Variants in DENND3 observed in about 807,000 individuals in gnomAD.
DENND3 encodes DENN domain-containing protein 3.
A neutral mutation model predicts 135.1 loss-of-function variants in DENND3; 88 were observed. That is an observed-to-expected ratio of 0.65 (90% CI 0.55 to 0.78). DENND3 has a LOEUF of 0.78. Ranked by LOEUF, DENND3 falls within the 30% of genes least tolerant of loss-of-function variation. The pLI is 0.00. For missense variants in DENND3, 1,392 were observed against 1,688.4 expected (o/e 0.82, Z 3.08); for synonymous variants, 693 against 712.3 (o/e 0.97, Z 0.43).
intron 14 of DENND3, chr8:141,176,275 A>C (rs930906628): frequency 9.2e-5 from 19 of 205,762 alleles, no homozygotes; most frequent in African/African-American, 5.4e-4. Context: ...GTAAAAAAAA[A>C]CAAAAACAAA....
chr8:141,174,566 G>A lies in DENND3; in HGVS notation c.2276-634G>A, dbSNP rs773242704. 5.3e-5 allele frequency among the ~76,000 whole-genome samples: 8 copies of A among 152,196 alleles called. No homozygotes were observed. The highest frequency in any genetic ancestry group is 1.7e-4 in the African/African-American group (7 of 41,442). ...GAGTCTCTGTGAAAGGTCGTGAAGC[G>A]GGCTTCAGGCTCAGGCTCCTCTGAC... On this transcript the variant is annotated intron_variant, in intron 13 of 22. Transcript: ENST00000519811. The surrounding 1 kb of genome is among the most constrained non-coding windows in gnomAD (Gnocchi z 4.6).
intron 20 of DENND3, chr8:141,190,703 C>T: frequency 2.8e-6 from 1 of 354,132 alleles, no homozygotes; most frequent in South Asian, 4.8e-5. Context: ...TTTTGCTGTG[C>T]CCTGCTCTGG....
chr8:141,193,828 A>C (rs1002567613), intron 22 of DENND3: 1 of 608,822 alleles, frequency 1.6e-6, no homozygotes, highest in African/African-American at 1.8e-5. Context: ...CTTCTTCCCC[A>C]GAGGCCCCTC....
At chr8:141,190,159 T>G (rs1824525636) in intron 19 of DENND3, 125 bp from the exon 20 acceptor site, 1 of 1,277,290 alleles carries the variant, frequency 7.8e-7, no homozygotes, top group Admixed American at 2.9e-5. Flanking sequence ...TATTATCATG[T>G]TTGCAGGTTA....
chr8:141,135,292 C>T (rs1816666027), intron 1 of DENND3, among the ~76,000 whole-genome samples: 1 of 152,104 alleles, frequency 6.6e-6, no homozygotes, highest in Admixed American at 6.5e-5. Context: ...GCTGGGACCA[C>T]AGGCATGTGC....
At chr8:141,189,996 G>A (rs1308776671) in intron 19 of DENND3, among the ~76,000 whole-genome samples, 2 of 152,186 alleles carry the variant, frequency 1.3e-5, no homozygotes, top group South Asian at 2.1e-4. Flanking sequence ...TGCGGCCCGC[G>A]GTGGTGGGAG....
intron 5 of DENND3, 96 bp from the exon 6 acceptor site, chr8:141,150,738 C>G: frequency 1.4e-6 from 2 of 1,428,706 alleles, no homozygotes; most frequent in Non-Finnish European, 1.9e-6. Flanking sequence ...TGTTTTCTAA[C>G]TCTGATGCCC....
In DENND3 at chr8:141,189,035, A is replaced by G. The variant is rs1589719753; in HGVS notation, c.3134A>G (p.Asp1045Gly). 1 of 1,614,088 alleles carries G rather than the reference A, an allele frequency of 6.2e-7. No homozygotes were observed. The highest frequency in any genetic ancestry group is 8.5e-7 in the Non-Finnish European group (1 of 1,179,990). ...DQNQVWVGSEDSVIYIINVHS... is the reference protein window; with the variant it reads ...DQNQVWVGSEGSVIYIINVHS... ...AACCAGGTGTGGGTTGGCTCGGAAG[A>G]CTCCGTCATCTACATCATCAACGTC... The change falls in exon 19 of 23, where the codon GAC (aspartate) becomes GGC (glycine). Residue 1045 changes from aspartate (D) to glycine (G), a missense_variant. By Grantham distance (94) the Asp-to-Gly change is moderately conservative. Coordinates refer to ENST00000519811, the MANE Select transcript of DENND3 (RefSeq NM_001352890.3).
chr8:141,194,906 C>T lies in DENND3; in HGVS notation c.*673C>T, dbSNP rs1418836378. ...ATAGATGCAACATTTTTATAATAAT[C>T]CTAGAGACCTTTTTTCTACCAAAGA... is the stretch of plus-strand genomic sequence containing the variant. On this transcript the variant is annotated 3_prime_UTR_variant, in exon 23 of 23. Coordinates refer to ENST00000519811, the MANE Select transcript of DENND3 (RefSeq NM_001352890.3). 6.6e-6 allele frequency: 1 copy of T among 152,200 alleles called. No individual in the cohort carries two copies. The highest frequency in any genetic ancestry group is 1.5e-5 in the Non-Finnish European group (1 of 68,032). The allele number at this position is 152,200 out of a possible 1,614,324, so 9.4% of individuals were successfully genotyped here.
At chr8:141,176,550 C>T (rs1589678432) in intron 14 of DENND3, 41 bp from the exon 15 acceptor site, 1 of 1,612,940 alleles carries the variant, frequency 6.2e-7, no homozygotes, top group East Asian at 2.2e-5. Context: ...CACGTGTTCT[C>T]TGAGTGTGAC....
At chr8:141,157,823 G>A (rs1819631460) in intron 8 of DENND3, 1 of 968,520 alleles carries the variant, frequency 1.0e-6, no homozygotes. Flanking sequence ...GCAGTGGCGT[G>A]ATCTTGGCTC....
intron 4 of DENND3, chr8:141,143,926 C>T: frequency 2.1e-6 from 1 of 472,424 alleles, no homozygotes; most frequent in Non-Finnish European, 3.7e-6. Context: ...CAGGACTTCC[C>T]CTTCCAAAAT....
intron 22 of DENND3, chr8:141,192,905 A>C: frequency 1.4e-6 from 2 of 1,471,250 alleles, no homozygotes; most frequent in Non-Finnish European, 9.1e-7. Flanking sequence ...ATGGCTTCAA[A>C]TGACAGAACT....
Position 141,193,224 on chromosome 8 carries a change from G to A in DENND3, c.3636+561G>A, listed in dbSNP as rs191520258. The A allele has an allele frequency of 8.7e-4, 150 of 172,130 alleles. 1 individual carries two copies. The highest frequency in any genetic ancestry group is 3.5e-3 in the African/African-American group (145 of 41,938). 10.7% of individuals were successfully genotyped at this position (172,130 alleles called of 1,614,324 possible). On this transcript the variant is annotated intron_variant, in intron 22 of 22. Transcript: ENST00000519811. ...GAAGCTCACATTCTGAGGTTCAGAG[G>A]ATATGGATTTGGGGGGACACTGTTC...
At position 141,167,601 on chromosome 8, in the gene DENND3, A is replaced by G. The variant is rs778957923; in HGVS notation, c.1754-403A>G. ...GTTTCCGCATCTGTAGAACGGGACTATAGTAATAATACCCCTGTCCTGAGT... is the reference window on the plus strand; with the variant it reads ...GTTTCCGCATCTGTAGAACGGGACTGTAGTAATAATACCCCTGTCCTGAGT... On this transcript the variant is annotated intron_variant, in intron 12 of 22. Transcript: ENST00000519811. The surrounding 1 kb of genome is among the most constrained non-coding windows in gnomAD (Gnocchi z 4.1). Among the ~76,000 whole-genome samples the G allele has an allele frequency of 2.0e-5, 3 of 152,202 alleles. No homozygotes were observed. Among genetic ancestry groups the G allele is most frequent in the Non-Finnish European group, 4.4e-5 (3 of 68,034 alleles).
At position 141,182,352 on chromosome 8, in the gene DENND3, G is replaced by A. The variant is rs769009313; in HGVS notation, c.2944+1498G>A. Reference sequence around the variant, plus strand: ...AAACCCAGGAACGCGATAGACCCTGGCTGAGTGAGCAGGCAGCGTCATCAG... The same window carrying A: ...AAACCCAGGAACGCGATAGACCCTGACTGAGTGAGCAGGCAGCGTCATCAG... On this transcript the variant is annotated intron_variant, in intron 17 of 22. Transcript: ENST00000519811. This position sits in a 1 kb window ranked among gnomAD's most constrained non-coding sequence, Gnocchi z 5.9. 1.6e-5 allele frequency: 16 copies of A among 985,414 alleles called. No individual in the cohort carries two copies. The highest frequency in any genetic ancestry group is 1.9e-5 in the Non-Finnish European group (16 of 829,926). The allele number at this position is 985,414 out of a possible 1,614,324, so 61.0% of individuals were successfully genotyped here.
In DENND3 at chr8:141,166,265, T is replaced by A. The variant is rs769363700; in HGVS notation, c.1629T>A (p.His543Gln). Residue 543 changes from histidine to glutamine, a missense_variant, in exon 12 of 23, where the codon CAT becomes CAA. Coordinates refer to ENST00000519811, the MANE Select transcript of DENND3 (RefSeq NM_001352890.3). This position sits in a 1 kb window ranked among gnomAD's most constrained non-coding sequence, Gnocchi z 4.3. ...CCTCCCGGAAGTCCTCGCACCTGCA[T>A]GTCACCCACAGGCGCATGGTGGTCA... ...KRASRKSSHLHVTHRRMVVSM... is the reference protein window; with the variant it reads ...KRASRKSSHLQVTHRRMVVSM... 3 of 1,614,144 alleles carry A rather than the reference T, an allele frequency of 1.9e-6. No individual in the cohort carries two copies. In the South Asian group the frequency reaches 3.3e-5, roughly 18 times the overall value.
At position 141,167,807 on chromosome 8, in the gene DENND3, T is replaced by A. The variant is rs538601126; in HGVS notation, c.1754-197T>A. Among the ~76,000 whole-genome samples the A allele has an allele frequency of 1.3e-5, 2 of 152,128 alleles. No homozygotes were observed. The highest frequency in any genetic ancestry group is 2.9e-5 in the Non-Finnish European group (2 of 68,014). On this transcript the variant is annotated intron_variant, in intron 12 of 22. Coordinates refer to ENST00000519811, the MANE Select transcript of DENND3 (RefSeq NM_001352890.3). This position sits in a 1 kb window ranked among gnomAD's most constrained non-coding sequence, Gnocchi z 4.1. ...ATGCTAGCTGCTATTCTCCTTGGGG[T>A]ACCATGGAAGCAAAGTGAGGGTTCT...
intron 7 of DENND3, among the ~76,000 whole-genome samples, chr8:141,153,596 C>T (rs1819084706): frequency 1.3e-5 from 2 of 152,298 alleles, no homozygotes; most frequent in Non-Finnish European, 2.9e-5. Flanking sequence ...GGCCAGGGTC[C>T]CCGCTGCGGG....
Sources: gnomAD v4.1 joint callset for allele counts (sites outside exome capture counted in the v4.1 genomes callset) on GRCh38, gnomAD v4.1.1 for gene constraint, Gnocchi (gnomAD v3.1) non-coding constraint, MANE v1.5 for transcripts, NCBI Gene and HGNC (gene_info 2026-07-23, HGNC 2026-07-21) for gene names.